Variants in MYO6 observed in about 807,000 individuals in gnomAD.
MYO6 encodes the protein myosin VI.
Under a neutral mutation model 178.7 loss-of-function variants are expected in MYO6, and 74 were observed. The ratio of observed to expected loss-of-function variants is 0.41; its 90% CI spans 0.34 to 0.50. The LOEUF (loss-of-function observed/expected upper bound fraction) is 0.50, where lower values mean the gene tolerates loss of function less well. Ranked by LOEUF, MYO6 falls within the 20% of genes least tolerant of loss-of-function variation. MYO6 has a pLI of 0.09. For synonymous variants in MYO6, 477 were observed against 504.6 expected (o/e 0.95, Z 0.73); for missense variants, 1,330 against 1,547.4 (o/e 0.86, Z 2.36).
chr6:75,800,879 C>A (rs1047103711), intron 1 of MYO6, among the ~76,000 whole-genome samples: 12 of 152,148 alleles, frequency 7.9e-5, no homozygotes, highest in African/African-American at 2.9e-4. Flanking sequence ...TGCCACCACA[C>A]CCGGCTAATT....
chr6:75,793,956 A>T (rs977214336), intron 1 of MYO6, among the ~76,000 whole-genome samples: 1 of 152,218 alleles, frequency 6.6e-6, no homozygotes, highest in African/African-American at 2.4e-5. Flanking sequence ...CTAAATATGA[A>T]TGGAAAACAA....
Position 75,905,243 on chromosome 6 carries a change from A to T in MYO6, c.3177-2362A>T, listed in dbSNP as rs992183770. Among the ~76,000 whole-genome samples, 10 of 152,154 alleles carry T rather than the reference A, an allele frequency of 6.6e-5. No individual in the cohort carries two copies. The South Asian group carries it at 1.2e-3, about 19-fold the overall frequency. ...GGCAGGCAGGCCTTCTTGAGCTGTGATGCTTCCCAGTTGGAGCTTCCCGGC... is the reference window on the plus strand; with the variant it reads ...GGCAGGCAGGCCTTCTTGAGCTGTGTTGCTTCCCAGTTGGAGCTTCCCGGC... On this transcript the variant is annotated intron_variant, in intron 30 of 34. Coordinates refer to ENST00000369977, the MANE Select transcript of MYO6 (RefSeq NM_004999.4).
At chr6:75,839,725 G>A (rs1009331571) in intron 7 of MYO6, among the ~76,000 whole-genome samples, 4 of 152,016 alleles carry the variant, frequency 2.6e-5, no homozygotes, top group Non-Finnish European at 5.9e-5. Flanking sequence ...TGTTCACTAG[G>A]ATTTTAAAAC....
intron 1 of MYO6, among the ~76,000 whole-genome samples, chr6:75,774,999 G>A (rs1766242492): frequency 6.6e-6 from 1 of 152,036 alleles, no homozygotes; most frequent in South Asian, 2.1e-4. Context: ...TCACCATGTT[G>A]GCTAGGGTGG....
In MYO6 at chr6:75,844,881, A is replaced by G. The variant is rs1774578813; in HGVS notation, c.817-16A>G. The G allele has an allele frequency of 6.3e-7, 1 of 1,584,442 alleles. No homozygotes were observed. Among genetic ancestry groups the G allele is most frequent in the Non-Finnish European group, 8.7e-7 (1 of 1,153,444 alleles). ...GGATCATATATGTTAATTATGTTTA[A>G]TTTGTTTTGTCATAGTATTTAAACC... On this transcript the variant is annotated splice_polypyrimidine_tract_variant and intron_variant, in intron 9 of 34. Transcript: ENST00000369977.
intron 1 of MYO6, chr6:75,768,278 G>T (rs886664015): frequency 6.6e-6 from 1 of 151,968 alleles, no homozygotes; most frequent in Non-Finnish European, 1.5e-5. Context: ...TTAAATACAA[G>T]ATTTTAAAAA....
intron 30 of MYO6, among the ~76,000 whole-genome samples, chr6:75,899,742 ATTATTATTATACT>A (rs1014358761): frequency 6.6e-6 from 1 of 151,526 alleles, no homozygotes; most frequent in South Asian, 2.1e-4. Context: ...TTTTAAAAAA[ATTATTATTATACT>A]TTAAGTTTTA....
intron 29 of MYO6, 28 bp downstream of exon 29, chr6:75,895,288 A>C (rs922488052): frequency 6.3e-7 from 1 of 1,582,354 alleles, no homozygotes. Context: ...ACCTTTTTAA[A>C]AATAGGTTGT....
chr6:75,843,045 T>A (rs1369215852), intron 9 of MYO6, among the ~76,000 whole-genome samples: 1 of 152,158 alleles, frequency 6.6e-6, no homozygotes, highest in Admixed American at 6.6e-5. Flanking sequence ...ACATCTGCCA[T>A]CTTGAATATT....
At position 75,770,459 on chromosome 6, in the gene MYO6, C is replaced by T. The variant is rs72654759; in HGVS notation, c.-48+21036C>T. ...TGCTCTGTATGTGGTATTCAAACTT[C>T]TAAACTAACCTCCTTTAGGTTTGTT... On this transcript the variant is annotated intron_variant, in intron 1 of 34. Coordinates refer to ENST00000369977, the MANE Select transcript of MYO6 (RefSeq NM_004999.4). Among the ~76,000 whole-genome samples, 1,914 of 152,262 alleles carry T rather than the reference C, an allele frequency of 0.013. 63 individuals are homozygous for T. The East Asian group carries it at 0.13, about 11-fold the overall frequency.
intron 30 of MYO6, among the ~76,000 whole-genome samples, chr6:75,901,427 A>G (rs1413769506): frequency 1.3e-5 from 2 of 152,150 alleles, no homozygotes; most frequent in African/African-American, 4.8e-5. Flanking sequence ...TTCTCCTTGA[A>G]GAGGTCCTTC....
At chr6:75,797,281 C>T (rs141714128) in intron 1 of MYO6, among the ~76,000 whole-genome samples, 137 of 152,122 alleles carry the variant, frequency 9.0e-4, no homozygotes, top group Non-Finnish European at 1.5e-3. Context: ...TTAGTAGAGA[C>T]GGGGTTTCTT....
intron 30 of MYO6, among the ~76,000 whole-genome samples, chr6:75,903,341 T>G (rs1212306192): frequency 6.6e-6 from 1 of 152,020 alleles, no homozygotes; most frequent in Non-Finnish European, 1.5e-5. Flanking sequence ...AAGTCTCCCA[T>G]TATTAATGTG....
At chr6:75,906,393 A>AGGCAGGTGT (rs1219155438) in intron 30 of MYO6, among the ~76,000 whole-genome samples, 2 of 152,186 alleles carry the variant, frequency 1.3e-5, no homozygotes, top group Non-Finnish European at 2.9e-5. Context: ...AAAGTCTTAA[A>AGGCAGGTGT]GGCCAGGTGT....
At chr6:75,841,128 A>G in intron 8 of MYO6, 86 bp from the exon 9 acceptor site, 1 of 1,316,072 alleles carries the variant, frequency 7.6e-7, no homozygotes, top group Non-Finnish European at 1.1e-6. Flanking sequence ...AAATGGTATT[A>G]GAAAAGGTAA....
At chr6:75,802,084 A>T (rs1359000145) in intron 1 of MYO6, among the ~76,000 whole-genome samples, 1 of 152,192 alleles carries the variant, frequency 6.6e-6, no homozygotes, top group African/African-American at 2.4e-5. Context: ...AATTCTTTTG[A>T]TTGTCTCTCT....
In MYO6 at chr6:75,840,351, C is replaced by T. The variant is rs562159528; in HGVS notation, c.554-234C>T. ...TAATTTTTGTATTTTTTAGTAGAGA[C>T]GGGGTTTCATCATCTTGGCCAGGTT... On this transcript the variant is annotated intron_variant, in intron 7 of 34. Coordinates refer to ENST00000369977, the MANE Select transcript of MYO6 (RefSeq NM_004999.4). 4.5e-3 allele frequency among the ~76,000 whole-genome samples: 687 copies of T among 151,908 alleles called. 2 individuals are homozygous for T. The highest frequency in any genetic ancestry group is 7.0e-3 in the Non-Finnish European group (475 of 67,940).
intron 10 of MYO6, among the ~76,000 whole-genome samples, chr6:75,845,911 C>T (rs1774688713): frequency 6.6e-6 from 1 of 150,968 alleles, no homozygotes; most frequent in South Asian, 2.1e-4. Context: ...CGCTTGAACC[C>T]AGGAGATAGA....
intron 22 of MYO6, among the ~76,000 whole-genome samples, chr6:75,880,576 C>T (rs1038521023): frequency 5.9e-5 from 9 of 152,102 alleles, no homozygotes; most frequent in African/African-American, 1.7e-4. Flanking sequence ...CACATGTGGC[C>T]CATGGACTAC....
Sources: allele counts gnomAD v4.1 joint callset (sites outside exome capture counted in the v4.1 genomes callset), GRCh38; gene constraint gnomAD v4.1.1; transcripts MANE v1.5; gene names NCBI Gene and HGNC (gene_info 2026-07-23, HGNC 2026-07-21).